The following PLEKHH1 variants were observed in gnomAD, a reference collection of about 807,000 sequenced individuals.
PLEKHH1 encodes the protein pleckstrin homology, MyTH4 and FERM domain containing H1.
A neutral mutation model predicts 160.0 loss-of-function variants in PLEKHH1; 104 were observed. The observed-to-expected ratio is 0.65, with a 90% CI of 0.55 to 0.76. PLEKHH1 has a LOEUF of 0.76. PLEKHH1 is among the 30% of genes least tolerant of loss of function. The pLI is 0.00. For missense variants in PLEKHH1, 1,427 were observed against 1,724.1 expected (o/e 0.83, Z 3.05); for synonymous variants, 619 against 678.4 (o/e 0.91, Z 1.36).
chr14:67,573,462 G>A lies in PLEKHH1; in HGVS notation c.1839+76G>A. The A allele has an allele frequency of 3.0e-6, 3 of 1,006,130 alleles. No homozygotes were observed. The highest frequency in any genetic ancestry group is 4.9e-5 in the East Asian group (2 of 40,806). 62.3% of individuals were successfully genotyped at this position (1,006,130 alleles called of 1,614,324 possible). Reference sequence around the variant, plus strand: ...CCTGGACTATGTCAGATGGGACGGAGGAGGGGGAATGTGGCCCAAGGCCAG... The same window carrying A: ...CCTGGACTATGTCAGATGGGACGGAAGAGGGGGAATGTGGCCCAAGGCCAG... On this transcript the variant is annotated intron_variant, in intron 12 of 28. Coordinates refer to ENST00000329153, the MANE Select transcript of PLEKHH1 (RefSeq NM_020715.3). This position sits in a 1 kb window ranked among gnomAD's most constrained non-coding sequence, Gnocchi z 4.8.
At position 67,574,327 on chromosome 14, in the gene PLEKHH1, T is replaced by C; in HGVS notation, c.2012T>C (p.Leu671Pro). ...TGGATCCGAGTACTCCAGAGCCTGC[T>C]GAAGGTGCAGGCCACCGGGCCTCCA... ...EEWIRVLQSL[L>P]KVQATGPPAL... The change falls in exon 14 of 29, where the codon CTG becomes CCG. Residue 671 changes from leucine to proline, a missense_variant. Physicochemically the swap from Leu to Pro is moderately conservative, Grantham distance 98. This residue lies in a region of PLEKHH1 where 831 missense variants were observed against 929.2 expected (regional missense o/e 0.89). Transcript: ENST00000329153. The surrounding 1 kb of genome is among the most constrained non-coding windows in gnomAD (Gnocchi z 4.2). 3 of 1,603,992 alleles carry C rather than the reference T, an allele frequency of 1.9e-6. No homozygotes were observed. In the South Asian group the frequency reaches 3.4e-5, roughly 18 times the overall value.
At chr14:67,534,519 G>T (rs943177562) in intron 1 of PLEKHH1, among the ~76,000 whole-genome samples, 5 of 152,112 alleles carry the variant, frequency 3.3e-5, no homozygotes, top group Non-Finnish European at 5.9e-5. Context: ...AAAAATTGTT[G>T]TGATATGCCC....
rs1385088220 is a variant in PLEKHH1 at position 67,569,177 on chromosome 14, C to T, written c.1303C>T (p.Leu435Phe). The T allele has an allele frequency of 6.2e-7, 1 of 1,613,082 alleles. No individual in the cohort carries two copies. The highest frequency in any genetic ancestry group is 8.5e-7 in the Non-Finnish European group (1 of 1,179,334). ...TGCTGTGGCCACATCGGGCATGCGG[C>T]TCTCAGATATGTCTCCCAGAAGTAA... ...IYAVATSGMR[L>F]SDMSPRSNTA... Residue 435 changes from leucine to phenylalanine, a missense_variant, in exon 8 of 29, where the codon CTC becomes TTC. Physicochemically the swap from Leu to Phe is conservative, Grantham distance 22 (BLOSUM62 0). Coordinates refer to ENST00000329153, the MANE Select transcript of PLEKHH1 (RefSeq NM_020715.3).
At chr14:67,549,666 T>G (rs1426814103) in intron 2 of PLEKHH1, among the ~76,000 whole-genome samples, 2 of 152,240 alleles carry the variant, frequency 1.3e-5, no homozygotes, top group Non-Finnish European at 2.9e-5. Flanking sequence ...AGTTCTGTAG[T>G]GCTCGTGAAC....
chr14:67,575,794 TC>T, intron 15 of PLEKHH1, 28 bp from the exon 16 acceptor site: 2 of 1,584,912 alleles, frequency 1.3e-6, no homozygotes, highest in African/African-American at 1.3e-5. Context: ...CCACTGGCTC[TC>T]CCATTCATGG....
chr14:67,578,189 C>A lies in PLEKHH1; in HGVS notation c.2741C>A (p.Ser914Tyr). The A allele has an allele frequency of 6.2e-7, 1 of 1,613,510 alleles. No homozygotes were observed. The change falls in exon 19 of 29, where the codon TCC becomes TAC. Residue 914 changes from serine (S) to tyrosine (Y), a missense_variant. Transcript: ENST00000329153. The surrounding 1 kb of genome is among the most constrained non-coding windows in gnomAD (Gnocchi z 5.0). ...AGCTGCCGCCCACCTCAGAAGTACTCCCTCATGCAGGTAGGCATGCCAGGG... is the reference window on the plus strand; with the variant it reads ...AGCTGCCGCCCACCTCAGAAGTACTACCTCATGCAGGTAGGCATGCCAGGG... ...QTSCRPPQKYSLMQCWQLLAL... is the reference protein window; with the variant it reads ...QTSCRPPQKYYLMQCWQLLAL...
intron 24 of PLEKHH1, among the ~76,000 whole-genome samples, chr14:67,583,122 T>C (rs1041368492): frequency 2.0e-5 from 3 of 152,078 alleles, no homozygotes; most frequent in Non-Finnish European, 2.9e-5. Context: ...AAATTAAAAA[T>C]TTTTAAAAAA....
At chr14:67,558,649 G>GTTT (rs1232191017) in intron 4 of PLEKHH1, among the ~76,000 whole-genome samples, 4 of 152,200 alleles carry the variant, frequency 2.6e-5, no homozygotes, top group Non-Finnish European at 5.9e-5. Flanking sequence ...AAAAGGCACT[G>GTTT]TTTTGTGAGT....
intron 2 of PLEKHH1, among the ~76,000 whole-genome samples, chr14:67,553,500 C>T (rs1157693025): frequency 6.6e-6 from 1 of 152,148 alleles, no homozygotes; most frequent in African/African-American, 2.4e-5. Context: ...GAGGTTTGTG[C>T]ACCTTCTCCA....
intron 2 of PLEKHH1, among the ~76,000 whole-genome samples, chr14:67,545,498 A>C (rs2034140448): frequency 6.6e-6 from 1 of 152,242 alleles, no homozygotes; most frequent in African/African-American, 2.4e-5. Flanking sequence ...AAAAAAGGAA[A>C]GTCTATTAAA....
chr14:67,566,869 T>C (rs2140439816), intron 7 of PLEKHH1, among the ~76,000 whole-genome samples: 1 of 152,264 alleles, frequency 6.6e-6, no homozygotes, highest in Admixed American at 6.5e-5. Flanking sequence ...TCTCCTCTTA[T>C]TCTGTATAGA....
intron 7 of PLEKHH1, among the ~76,000 whole-genome samples, chr14:67,563,877 G>A (rs1450960298): frequency 2.7e-5 from 4 of 150,554 alleles, no homozygotes; most frequent in African/African-American, 4.9e-5. Context: ...GGAATTACAG[G>A]TGTGTGCCAC....
chr14:67,560,274 A>G (rs912715640), intron 5 of PLEKHH1, among the ~76,000 whole-genome samples: 1 of 152,064 alleles, frequency 6.6e-6, no homozygotes, highest in Non-Finnish European at 1.5e-5. Context: ...TGATTCACCC[A>G]CCTCGGCCTC....
chr14:67,572,217 G>C lies in PLEKHH1; in HGVS notation c.1668G>C (p.Glu556Asp). The change falls in exon 11 of 29, where the codon GAG becomes GAC. Residue 556 changes from glutamate to aspartate, a missense_variant. This residue lies in a region of PLEKHH1 where 831 missense variants were observed against 929.2 expected (regional missense o/e 0.89). Transcript: ENST00000329153. ...GCTCACTGGACAGTGACTACTCAGA[G>C]CCTGAGCACAAACTGCAGCGCACCT... ...DACSLDSDYS[E>D]PEHKLQRTSS... 1 of 1,609,482 alleles carries C rather than the reference G, an allele frequency of 6.2e-7. No individual in the cohort carries two copies. The highest frequency in any genetic ancestry group is 1.1e-5 in the South Asian group (1 of 89,922).
At position 67,574,352 on chromosome 14, in the gene PLEKHH1, A is replaced by G; in HGVS notation, c.2037A>G (p.Pro679=). The part of the protein sequence containing the change: ...SLLKVQATGP[P]ALLRGGTKPT... Reference sequence around the variant, plus strand: ...TGAAGGTGCAGGCCACCGGGCCTCCAGCTCTGCTTCGGGGTGGCACCAAGC... The same window carrying G: ...TGAAGGTGCAGGCCACCGGGCCTCCGGCTCTGCTTCGGGGTGGCACCAAGC... Residue 679 remains proline, a synonymous_variant, in exon 14 of 29, where the codon CCA becomes CCG. Transcript: ENST00000329153. This position sits in a 1 kb window ranked among gnomAD's most constrained non-coding sequence, Gnocchi z 4.2. 6.3e-7 allele frequency: 1 copy of G among 1,597,074 alleles called. No homozygotes were observed. Among genetic ancestry groups the G allele is most frequent in the Non-Finnish European group, 8.5e-7 (1 of 1,171,884 alleles).
At chr14:67,559,572 T>A in intron 4 of PLEKHH1, 36 bp from the exon 5 acceptor site, 1 of 1,426,594 alleles carries the variant, frequency 7.0e-7, no homozygotes, top group Non-Finnish European at 9.7e-7. Context: ...TCCTGGTGAT[T>A]GTTGGGATTA....
chr14:67,563,048 C>T (rs969231045), intron 7 of PLEKHH1, among the ~76,000 whole-genome samples, 154 bp downstream of exon 7: 5 of 152,252 alleles, frequency 3.3e-5, no homozygotes, highest in African/African-American at 1.2e-4. Context: ...GCAGACCACA[C>T]AACCAGTGAG....
At chr14:67,551,376 C>A (rs2034383438) in intron 2 of PLEKHH1, among the ~76,000 whole-genome samples, 1 of 152,184 alleles carries the variant, frequency 6.6e-6, no homozygotes, top group African/African-American at 2.4e-5. Flanking sequence ...CTATAAATTT[C>A]TGAATGCCAA....
chr14:67,575,340 T>C, intron 14 of PLEKHH1, 52 bp from the exon 15 acceptor site: 1 of 1,105,486 alleles, frequency 9.0e-7, no homozygotes, highest in South Asian at 1.5e-5. Flanking sequence ...GTCCTGGATT[T>C]ACTTCTAGAG....
Sources: allele counts gnomAD v4.1 joint callset (sites outside exome capture counted in the v4.1 genomes callset), GRCh38; gene constraint gnomAD v4.1.1; regional missense constraint gnomAD v4.1.1; non-coding constraint Gnocchi (gnomAD v3.1); transcripts MANE v1.5; gene names NCBI Gene and HGNC (gene_info 2026-07-23, HGNC 2026-07-21).